Variants in SLIT3 observed in about 807,000 individuals in gnomAD.
The protein encoded by SLIT3 is slit guidance ligand 3, also known as slit homolog 3 protein.
A neutral mutation model predicts 184.0 loss-of-function variants in SLIT3; 68 were observed. The ratio of observed to expected loss-of-function variants is 0.37; its 90% confidence interval spans 0.30 to 0.45. The LOEUF is 0.45. Among genes scored for constraint, SLIT3 ranks in the 20% least tolerant of loss-of-function variants. The pLI is 1.00. For missense variants in SLIT3, 1,707 were observed against 2,026.0 expected (o/e 0.84, Z 3.02); for synonymous variants, 831 against 828.6 (o/e 1.00, Z -0.05).
At chr5:169,230,527 C>T (rs1306647052) in intron 3 of SLIT3, among the ~76,000 whole-genome samples, 2 of 152,164 alleles carry the variant, frequency 1.3e-5, no homozygotes, top group East Asian at 3.8e-4. Flanking sequence ...GTAAATGGAA[C>T]TCTGGGTTAG....
intron 20 of SLIT3, among the ~76,000 whole-genome samples, chr5:168,740,201 C>T (rs983662169): frequency 6.6e-6 from 1 of 152,080 alleles, no homozygotes; most frequent in East Asian, 1.9e-4. Context: ...GGTACTGTAG[C>T]CCTACTTCAA....
At chr5:168,939,090 T>A (rs1762252686) in intron 4 of SLIT3, among the ~76,000 whole-genome samples, 1 of 152,056 alleles carries the variant, frequency 6.6e-6, no homozygotes, top group Non-Finnish European at 1.5e-5. Context: ...AATGGGCGCC[T>A]TGGGAGAAGC....
At chr5:168,807,085 C>T (rs1719322437) in intron 8 of SLIT3, among the ~76,000 whole-genome samples, 1 of 152,138 alleles carries the variant, frequency 6.6e-6, no homozygotes, top group Admixed American at 6.5e-5. Flanking sequence ...CCCCCACCAG[C>T]AGCTACACCC....
chr5:168,978,488 T>G (rs1292055254), intron 4 of SLIT3, among the ~76,000 whole-genome samples: 3 of 152,306 alleles, frequency 2.0e-5, no homozygotes, highest in Admixed American at 1.3e-4. Context: ...GGCCTAGAGG[T>G]GAACATCTAA....
intron 4 of SLIT3, among the ~76,000 whole-genome samples, chr5:169,108,601 T>G (rs1484123732): frequency 6.6e-6 from 1 of 152,066 alleles, no homozygotes; most frequent in African/African-American, 2.4e-5. Context: ...CTTGAGGTCT[T>G]GAGGAATGGT....
At chr5:168,984,367 C>T (rs1233132678) in intron 4 of SLIT3, among the ~76,000 whole-genome samples, 1 of 152,150 alleles carries the variant, frequency 6.6e-6, no homozygotes, top group Non-Finnish European at 1.5e-5. Flanking sequence ...ATTCAATCTG[C>T]ATTTCCTAAA....
chr5:169,289,375 A>T (rs1767261818), intron 1 of SLIT3, among the ~76,000 whole-genome samples: 1 of 152,252 alleles, frequency 6.6e-6, no homozygotes, highest in Non-Finnish European at 1.5e-5. Flanking sequence ...ACATTATTGA[A>T]CAGGACAGCT....
At chr5:169,106,633 T>C (rs1760218170) in intron 4 of SLIT3, among the ~76,000 whole-genome samples, 1 of 152,196 alleles carries the variant, frequency 6.6e-6, no homozygotes, top group Admixed American at 6.5e-5. Context: ...AGTTCTGAGC[T>C]TCCCCATCCC....
Position 168,664,719 on chromosome 5 carries a change from G to A in SLIT3, c.*1735C>T, listed in dbSNP as rs1760980528. 1 of 152,270 alleles carries A rather than the reference G, an allele frequency of 6.6e-6. No individual in the cohort carries two copies. The highest frequency in any genetic ancestry group is 2.4e-5 in the African/African-American group (1 of 41,440). The allele number at this position is 152,270 out of a possible 1,614,324, so 9.4% of individuals were successfully genotyped here. A position where few individuals can be genotyped will look rare whatever the true frequency, so the allele number is the denominator to read the frequency against. ...ACAGTGGAAGCTCCTGGGGGAAGGA[G>A]GGATGGATGATAAGAGCCAGGGAGT... On this transcript the variant is annotated 3_prime_UTR_variant, in exon 36 of 36. Transcript: ENST00000519560.
chr5:168,772,707 A>C (rs1281351358), intron 14 of SLIT3, 74 bp downstream of exon 14: 1 of 1,540,854 alleles, frequency 6.5e-7, no homozygotes. Flanking sequence ...TGTCCTCCAG[A>C]TTGGATTATT....
At chr5:169,141,510 T>C (rs983371655) in intron 4 of SLIT3, among the ~76,000 whole-genome samples, 4 of 148,714 alleles carry the variant, frequency 2.7e-5, no homozygotes, top group African/African-American at 1.0e-4. Flanking sequence ...GAGGCCAAGG[T>C]GGGCAGATCA....
chr5:169,023,508 C>T (rs1207491967), intron 4 of SLIT3: 1 of 152,192 alleles, frequency 6.6e-6, no homozygotes, highest in Non-Finnish European at 1.5e-5. Context: ...AGTAAACTCT[C>T]CCCAGACTTC....
intron 4 of SLIT3, among the ~76,000 whole-genome samples, chr5:168,983,845 G>A (rs1357005631): frequency 1.3e-5 from 2 of 152,098 alleles, no homozygotes. Context: ...CCAAATTTGA[G>A]TCTTAGGTTA....
In SLIT3 at chr5:168,795,419, G is replaced by A. The variant is rs113579523; in HGVS notation, c.1007+88C>T. On this transcript the variant is annotated intron_variant, in intron 10 of 35. Coordinates refer to ENST00000519560, the MANE Select transcript of SLIT3 (RefSeq NM_003062.4). ...TGCCCAGGAGGAATGGACATGGTCCGTCACCTGGACAGGTTGCCCACTACA... is the reference window on the plus strand; with the variant it reads ...TGCCCAGGAGGAATGGACATGGTCCATCACCTGGACAGGTTGCCCACTACA... 3,907 of 961,248 alleles carry A rather than the reference G, an allele frequency of 4.1e-3. 23 individuals carry two copies. The highest frequency in any genetic ancestry group is 0.019 in the African/African-American group (1,153 of 62,310). The allele number at this position is 961,248 out of a possible 1,614,324, so 59.5% of individuals were successfully genotyped here. A position where few individuals can be genotyped will look rare whatever the true frequency, so the allele number is the denominator to read the frequency against.
chr5:168,962,822 C>G (rs953387094), intron 4 of SLIT3, among the ~76,000 whole-genome samples: 1 of 152,174 alleles, frequency 6.6e-6, no homozygotes, highest in African/African-American at 2.4e-5. Flanking sequence ...GGCCTTTGAA[C>G]CTGTGGTTCT....
In SLIT3 at chr5:168,764,826, T is replaced by C. The variant is rs552559499; in HGVS notation, c.1460-2137A>G. Reference sequence around the variant, plus strand: ...GTTATTCGAGTGGCTTCCTGGTTCATTGTATTATGCAAATCTCCTGCCCTT... The same window carrying C: ...GTTATTCGAGTGGCTTCCTGGTTCACTGTATTATGCAAATCTCCTGCCCTT... On this transcript the variant is annotated intron_variant, in intron 14 of 35. Coordinates refer to ENST00000519560, the MANE Select transcript of SLIT3 (RefSeq NM_003062.4). Among the ~76,000 whole-genome samples the C allele has an allele frequency of 7.2e-5, 11 of 152,318 alleles. No individual in the cohort carries two copies. In the South Asian group the frequency reaches 8.3e-4, roughly 11 times the overall value.
intron 4 of SLIT3, among the ~76,000 whole-genome samples, chr5:169,170,675 GAACA>G (rs904809920): frequency 6.6e-6 from 1 of 152,112 alleles, no homozygotes; most frequent in African/African-American, 2.4e-5. Flanking sequence ...TTGGGGACAG[GAACA>G]AACAATCTGA....
chr5:168,836,318 C>T (rs370215681), intron 6 of SLIT3, among the ~76,000 whole-genome samples: 6 of 152,164 alleles, frequency 3.9e-5, no homozygotes, highest in African/African-American at 1.4e-4. Flanking sequence ...GATCTAGAGG[C>T]AAGTTATTCA....
intron 29 of SLIT3, among the ~76,000 whole-genome samples, chr5:168,690,476 A>G (rs1433854425): frequency 4.6e-5 from 7 of 152,204 alleles, no homozygotes; most frequent in Admixed American, 3.9e-4. Context: ...CTTCCCGGGC[A>G]TGCCCAGAGC....
Sources: gnomAD v4.1 joint callset for allele counts (sites outside exome capture counted in the v4.1 genomes callset) on GRCh38, gnomAD v4.1.1 for gene constraint, MANE v1.5 for transcripts, NCBI Gene and HGNC (gene_info 2026-07-23, HGNC 2026-07-21) for gene names.